Variants in COL3A1 observed in about 807,000 individuals in gnomAD.
The protein encoded by COL3A1 is collagen alpha-1(III) chain.
Under a neutral mutation model 200.9 loss-of-function variants are expected in COL3A1, and 46 were observed. The ratio of observed to expected loss-of-function variants is 0.23; its 90% CI spans 0.18 to 0.29. The LOEUF (loss-of-function observed/expected upper bound fraction) is 0.29. COL3A1 is among the 10% of genes least tolerant of loss of function. COL3A1 has a pLI of 1.00. For synonymous variants in COL3A1, 650 were observed against 628.0 expected, an observed-to-expected ratio of 1.03 and a Z score of -0.52; for missense variants, 1,367 against 1,917.6, an observed-to-expected ratio of 0.71 and a Z score of 5.36.
chr2:189,003,924 AG>A, intron 38 of COL3A1, 57 bp from the exon 39 acceptor site: 1 of 1,566,448 alleles, frequency 6.4e-7, no homozygotes, highest in South Asian at 1.2e-5. Flanking sequence ...AAGTAAAAAA[AG>A]AAAGAAAAAA....
intron 1 of COL3A1, among the ~76,000 whole-genome samples, chr2:188,982,053 C>CT (rs539051688): frequency 4.3e-4 from 65 of 151,388 alleles, no homozygotes; most frequent in Non-Finnish European, 7.5e-4. Context: ...TTCCAACTCT[C>CT]TTTTTTTTAC....
chr2:189,011,507 A>G, intron 50 of COL3A1, 121 bp from the exon 51 acceptor site: 3 of 1,123,312 alleles, frequency 2.7e-6, no homozygotes, highest in Non-Finnish European at 4.0e-6. Flanking sequence ...CATATACATG[A>G]ATAATAACAT....
chr2:189,009,945 G>C (rs1688684051), intron 48 of COL3A1, among the ~76,000 whole-genome samples: 1 of 152,144 alleles, frequency 6.6e-6, no homozygotes, highest in South Asian at 2.1e-4. Context: ...TCTTAGCTTA[G>C]TGTATCATCC....
Position 188,994,981 on chromosome 2 carries a change from CTCAAGAATTATGAA to C in COL3A1, c.1456-64_1456-51del. On this transcript the variant is annotated intron_variant, in intron 20 of 50. Transcript: ENST00000304636. The surrounding 1 kb of genome is among the most constrained non-coding windows in gnomAD (Gnocchi z 4.5). ...TTCTATGACATAAAAATATTTGCCA[CTCAAGAATTATGAA>C]AAAGAATTGAAATCCTTTGGACTGA... The C allele has an allele frequency of 5.1e-6, 8 of 1,583,178 alleles. No individual in the cohort carries two copies. Among genetic ancestry groups the C allele is most frequent in the Admixed American group, 1.7e-5 (1 of 59,978 alleles).
At chr2:188,978,261 T>A (rs1687868202) in intron 1 of COL3A1, 1 of 182,968 alleles carries the variant, frequency 5.5e-6, no homozygotes, top group Non-Finnish European at 1.3e-5. Flanking sequence ...AAGACTGTGA[T>A]TAAATGCCTC....
In COL3A1 at chr2:189,004,615, T is replaced by A. The variant is rs566217481; in HGVS notation, c.2931+251T>A. 2.1e-4 allele frequency among the ~76,000 whole-genome samples: 32 copies of A among 152,308 alleles called. No homozygotes were observed. The East Asian group carries it at 6.2e-3, about 29-fold the overall frequency. On this transcript the variant is annotated intron_variant, in intron 40 of 50. Coordinates refer to ENST00000304636, the MANE Select transcript of COL3A1 (RefSeq NM_000090.4). ...ATATGATGAAAACAATATTGCCATC[T>A]CAAACACCTCTTTTAGGAAACTTGT...
At chr2:188,987,289 A>G in intron 5 of COL3A1, 150 bp downstream of exon 5, 2 of 701,934 alleles carry the variant, frequency 2.8e-6, no homozygotes, top group South Asian at 1.5e-5. Flanking sequence ...AAATGGTAGC[A>G]TTATCATGTT....
At chr2:188,979,523 T>C (rs1228648977) in intron 1 of COL3A1, among the ~76,000 whole-genome samples, 1 of 151,860 alleles carries the variant, frequency 6.6e-6, no homozygotes. Context: ...GAGTCACACA[T>C]TTATTCTGTT....
chr2:189,006,692 C>T (rs1169643073), intron 43 of COL3A1, among the ~76,000 whole-genome samples: 1 of 152,168 alleles, frequency 6.6e-6, no homozygotes, highest in East Asian at 1.9e-4. Context: ...GACCAACTAT[C>T]TATATGCTGG....
intron 1 of COL3A1, among the ~76,000 whole-genome samples, chr2:188,984,361 CTCT>C (rs1406673077): frequency 6.6e-6 from 1 of 151,942 alleles, no homozygotes; most frequent in Non-Finnish European, 1.5e-5. Flanking sequence ...ACAAAATCAT[CTCT>C]TTAGTTTAAT....
At chr2:188,990,243 T>C in intron 9 of COL3A1, 64 bp from the exon 10 acceptor site, 1 of 1,581,086 alleles carries the variant, frequency 6.3e-7, no homozygotes, top group Non-Finnish European at 8.7e-7. Flanking sequence ...ACAGAAAGTG[T>C]TTTACTACTA....
chr2:189,001,343 G>A (rs1034192081), intron 32 of COL3A1, 54 bp from the exon 33 acceptor site: 83 of 1,543,028 alleles, frequency 5.4e-5, no homozygotes, highest in Non-Finnish European at 7.2e-5. Flanking sequence ...TTTGATTAAT[G>A]CAAAAAACGA....
chr2:189,005,486 A>T (rs755968890), intron 41 of COL3A1, 29 bp downstream of exon 41: 1 of 1,563,798 alleles, frequency 6.4e-7, no homozygotes. Context: ...TCAACCAGCC[A>T]GGTAGAATTT....
At position 188,983,767 on chromosome 2, in the gene COL3A1, C is replaced by T. The variant is rs368965625; in HGVS notation, c.80-993C>T. ...TGAACAGTACATCATTTGTTGTTTGCAAAAATTTTTGCAGATGCTTAGAAA... is the reference window on the plus strand; with the variant it reads ...TGAACAGTACATCATTTGTTGTTTGTAAAAATTTTTGCAGATGCTTAGAAA... On this transcript the variant is annotated intron_variant, in intron 1 of 50. Transcript: ENST00000304636. 3.9e-5 allele frequency among the ~76,000 whole-genome samples: 6 copies of T among 152,028 alleles called. No homozygotes were observed. In the East Asian group the frequency reaches 7.7e-4, roughly 20 times the overall value.
chr2:188,977,374 T>G (rs1687843471), intron 1 of COL3A1, among the ~76,000 whole-genome samples: 1 of 152,124 alleles, frequency 6.6e-6, no homozygotes, highest in Non-Finnish European at 1.5e-5. Flanking sequence ...TTTAAAACTG[T>G]AAATGGACTC....
chr2:188,994,880 T>TA lies in COL3A1; in HGVS notation c.1455+52dup, dbSNP rs755333970. 39 of 1,598,172 alleles carry TA rather than the reference T, an allele frequency of 2.4e-5. No homozygotes were observed. In the East Asian group the frequency reaches 8.0e-4, roughly 33 times the overall value. ...AAAGAAAAGCAGCATCACTGTCATC[T>TA]AAATAAAACTACCTTCAGGGTGAGA... On this transcript the variant is annotated intron_variant, in intron 20 of 50. Transcript: ENST00000304636. This position sits in a 1 kb window ranked among gnomAD's most constrained non-coding sequence, Gnocchi z 4.5.
rs2271683 is a variant in COL3A1 at position 189,009,011 on chromosome 2, A to G, written c.3613A>G (p.Ile1205Val). 2.5e-3 allele frequency: 3,973 copies of G among 1,614,168 alleles called. 117 individuals are homozygous for G. The East Asian group carries it at 0.074, about 30-fold the overall frequency. The stretch of plus-strand genomic sequence containing the variant: ...CTGTGGTGGTGTTGGAGCCGCTGCC[A>G]TTGCTGGGATTGGAGGTGAAAAAGC... ...PCCGGVGAAA[I>V]AGIGGEKAGG... is the part of the protein sequence containing the mutation. Residue 1205 changes from isoleucine (I) to valine (V), a missense_variant, in exon 48 of 51, where the codon ATT (isoleucine) becomes GTT (valine). Ile to Val is a conservative substitution (Grantham distance 29). Transcript: ENST00000304636.
chr2:189,010,988 G>A, intron 50 of COL3A1, 98 bp downstream of exon 50: 1 of 1,471,550 alleles, frequency 6.8e-7, no homozygotes, highest in Non-Finnish European at 9.4e-7. Flanking sequence ...TTAATAGGAT[G>A]AAATAAAGAT....
intron 48 of COL3A1, 70 bp downstream of exon 48, chr2:189,009,291 A>G: frequency 6.4e-7 from 1 of 1,558,444 alleles, no homozygotes; most frequent in Non-Finnish European, 8.8e-7. Context: ...TAGAATGGGA[A>G]CGAAAAAACA....
Sources: allele counts gnomAD v4.1 joint callset (sites outside exome capture counted in the v4.1 genomes callset), GRCh38; gene constraint gnomAD v4.1.1; non-coding constraint Gnocchi (gnomAD v3.1); transcripts MANE v1.5; gene names NCBI Gene and HGNC (gene_info 2026-07-23, HGNC 2026-07-21).